Variants in PPP6R3 observed in about 807,000 individuals in gnomAD.
The protein encoded by PPP6R3 is serine/threonine-protein phosphatase 6 regulatory subunit 3.
PPP6R3 carries 38 observed loss-of-function variants against 110.7 expected under a neutral mutation model. The ratio of observed to expected loss-of-function variants is 0.34; its 90% confidence interval spans 0.26 to 0.45. PPP6R3 has a LOEUF of 0.45. Ranked by LOEUF, PPP6R3 falls within the 20% of genes least tolerant of loss-of-function variation. The pLI, the probability that PPP6R3 is intolerant of heterozygous loss-of-function variation, is 1.00. For missense variants in PPP6R3, 870 were observed against 1,062.4 expected (o/e 0.82, Z 2.52); for synonymous variants, 369 against 373.5 (o/e 0.99, Z 0.14).
intron 1 of PPP6R3, among the ~76,000 whole-genome samples, chr11:68,464,107 C>T (rs2098728257): frequency 6.6e-6 from 1 of 152,182 alleles, no homozygotes; most frequent in Non-Finnish European, 1.5e-5. Context: ...ATGTTGGACT[C>T]CACCTCTGGA....
chr11:68,504,540 A>G, intron 1 of PPP6R3, among the ~76,000 whole-genome samples: 1 of 152,198 alleles, frequency 6.6e-6, no homozygotes, highest in Non-Finnish European at 1.5e-5. Flanking sequence ...TTATGGATGA[A>G]TGCACACTTC....
At chr11:68,609,400 G>T in intron 22 of PPP6R3, 1 of 708,006 alleles carries the variant, frequency 1.4e-6, no homozygotes, top group Non-Finnish European at 2.6e-6. Context: ...GATGGGGTCT[G>T]TCTTGCTGCT....
Position 68,554,382 on chromosome 11 carries a change from G to A in PPP6R3, c.731+125G>A, listed in dbSNP as rs554903077. On this transcript the variant is annotated intron_variant, in intron 7 of 23. Coordinates refer to ENST00000393800, the MANE Select transcript of PPP6R3 (RefSeq NM_001164161.2). The stretch of plus-strand genomic sequence containing the variant: ...GTGCCTTGAAAATAACCTTGGGTGG[G>A]TGAGAAGGTAGGGAAACCTGCTTCT... The A allele has an allele frequency of 1.4e-5, 9 of 658,720 alleles. No homozygotes were observed. In the African/African-American group the frequency reaches 1.7e-4, roughly 12 times the overall value. The allele number at this position is 658,720 out of a possible 1,614,324, so 40.8% of individuals were successfully genotyped here.
intron 1 of PPP6R3, among the ~76,000 whole-genome samples, chr11:68,487,293 C>T (rs928969297): frequency 6.6e-6 from 1 of 152,128 alleles, no homozygotes; most frequent in African/African-American, 2.4e-5. Context: ...TGGCTCATAC[C>T]TGTAATCCCA....
chr11:68,497,607 G>A (rs533277267), intron 1 of PPP6R3, among the ~76,000 whole-genome samples: 3 of 151,942 alleles, frequency 2.0e-5, no homozygotes, highest in Non-Finnish European at 4.4e-5. Flanking sequence ...TGCCTGCCTC[G>A]GCCTCCCAAA....
chr11:68,509,291 T>C (rs1038836990), intron 1 of PPP6R3, among the ~76,000 whole-genome samples: 3 of 152,216 alleles, frequency 2.0e-5, no homozygotes, highest in Non-Finnish European at 2.9e-5. Flanking sequence ...TTAGCTTTTT[T>C]TAGTGGTGTT....
At chr11:68,505,755 C>T (rs2099072662) in intron 1 of PPP6R3, among the ~76,000 whole-genome samples, 1 of 152,180 alleles carries the variant, frequency 6.6e-6, no homozygotes, top group East Asian at 1.9e-4. Flanking sequence ...TTCAGATGCT[C>T]AGTAACTGTG....
intron 5 of PPP6R3, among the ~76,000 whole-genome samples, chr11:68,550,318 T>G (rs1035840582): frequency 5.3e-5 from 8 of 152,170 alleles, no homozygotes; most frequent in Non-Finnish European, 8.8e-5. Flanking sequence ...TTAAGCAAAT[T>G]GTGTTTGATT....
chr11:68,548,296 A>G (rs2099357105), intron 5 of PPP6R3, 92 bp downstream of exon 5: 1 of 1,496,392 alleles, frequency 6.7e-7, no homozygotes, highest in Non-Finnish European at 9.0e-7. Context: ...AATGCATGGG[A>G]TTAGGGTTGG....
intron 1 of PPP6R3, among the ~76,000 whole-genome samples, chr11:68,496,199 G>A (rs1430672421): frequency 7.2e-6 from 1 of 139,672 alleles, no homozygotes; most frequent in Non-Finnish European, 1.6e-5. Flanking sequence ...TTTTTTTGTT[G>A]TTGTTAAGAC....
At chr11:68,477,398 C>T (rs772488851) in intron 1 of PPP6R3, among the ~76,000 whole-genome samples, 1 of 151,684 alleles carries the variant, frequency 6.6e-6, no homozygotes, top group Non-Finnish European at 1.5e-5. Context: ...TATGCTTTTT[C>T]AGCTCTGTGA....
chr11:68,476,140 G>C (rs187948768), intron 1 of PPP6R3, among the ~76,000 whole-genome samples: 1 of 152,200 alleles, frequency 6.6e-6, no homozygotes, highest in African/African-American at 2.4e-5. Context: ...GTAGCTAGCC[G>C]AGATCACGCC....
intron 14 of PPP6R3, among the ~76,000 whole-genome samples, chr11:68,579,926 A>T (rs2099546776): frequency 6.6e-6 from 1 of 152,274 alleles, no homozygotes. Flanking sequence ...TGATGTTCGC[A>T]TGATGACAGA....
chr11:68,479,343 C>T (rs999050456), intron 1 of PPP6R3, among the ~76,000 whole-genome samples: 4 of 152,176 alleles, frequency 2.6e-5, no homozygotes, highest in Admixed American at 1.3e-4. Context: ...TGCATTTTGA[C>T]TGTGGTCTGT....
intron 9 of PPP6R3, among the ~76,000 whole-genome samples, chr11:68,566,372 G>GT (rs1565888270): frequency 7.1e-6 from 1 of 140,150 alleles, no homozygotes; most frequent in East Asian, 2.0e-4. Context: ...TCCTTTTTTT[G>GT]TTTTTTTGAG....
Position 68,596,160 on chromosome 11 carries a change from C to T in PPP6R3, c.1980C>T (p.Asp660=). ...AAGAAGAAGATGGAGCAAAGCAAGA[C>T]TTGTTTGAACCCAGCAGTGCCAACA... ...DSEEEDGAKQ[D]LFEPSSANTE... is the part of the protein sequence containing the mutation. The change falls in exon 19 of 24, where the codon GAC becomes GAT. Residue 660 remains aspartate, a synonymous_variant. Transcript: ENST00000393800. 6.2e-7 allele frequency: 1 copy of T among 1,614,172 alleles called. No homozygotes were observed. The highest frequency in any genetic ancestry group is 8.5e-7 in the Non-Finnish European group (1 of 1,180,012).
At chr11:68,609,740 T>G in intron 22 of PPP6R3, 164 bp from the exon 23 acceptor site, 1 of 1,554,318 alleles carries the variant, frequency 6.4e-7, no homozygotes, top group Non-Finnish European at 8.9e-7. Context: ...CCCCAGTCAC[T>G]GTCTGTGGTT....
At chr11:68,606,436 A>G (rs1939941182) in intron 22 of PPP6R3, among the ~76,000 whole-genome samples, 1 of 150,876 alleles carries the variant, frequency 6.6e-6, no homozygotes. Flanking sequence ...AACTGGGACT[A>G]GGACTACAGG....
chr11:68,613,512 A>G lies in PPP6R3; in HGVS notation c.*395A>G, dbSNP rs1481862006. ...TGACAATTATTAGTGTGACCAAAGT[A>G]TTAGGCGGTTTTCATACATTTTTCA... On this transcript the variant is annotated 3_prime_UTR_variant, in exon 24 of 24. Coordinates refer to ENST00000393800, the MANE Select transcript of PPP6R3 (RefSeq NM_001164161.2). The G allele has an allele frequency of 2.0e-6, 2 of 989,286 alleles. No individual in the cohort carries two copies. The highest frequency in any genetic ancestry group is 1.2e-6 in the Non-Finnish European group (1 of 832,378). 61.3% of individuals were successfully genotyped at this position (989,286 alleles called of 1,614,324 possible).
Sources: gnomAD v4.1 joint callset for allele counts (sites outside exome capture counted in the v4.1 genomes callset) on GRCh38, gnomAD v4.1.1 for gene constraint, MANE v1.5 for transcripts, NCBI Gene and HGNC (gene_info 2026-07-23, HGNC 2026-07-21) for gene names.